METTL15: variants seen among roughly 807,000 people sequenced by gnomAD.
METTL15 encodes 12S rRNA N(4)-cytidine methyltransferase METTL15.
In METTL15, 34 loss-of-function variants were observed where a neutral mutation model predicts 38.3. The ratio of observed to expected loss-of-function variants is 0.89; its 90% CI spans 0.68 to 1.18. The LOEUF (loss-of-function observed/expected upper bound fraction) is 1.18. METTL15 is among the 50% of genes most tolerant of loss of function. The pLI is 0.00. For missense variants in METTL15, 438 were observed against 498.4 expected (o/e 0.88, Z 1.15); for synonymous variants, 162 against 170.9 (o/e 0.95, Z 0.41).
At chr11:28,130,989 TTGTAGCA>T (rs1451613159) in intron 3 of METTL15, among the ~76,000 whole-genome samples, 1 of 152,156 alleles carries the variant, frequency 6.6e-6, no homozygotes, top group Admixed American at 6.6e-5. Context: ...TCAGTTTATT[TTGTAGCA>T]TGTGCTGTGC....
At chr11:28,510,509 C>CAGTAATA (rs1851665282) in intron 6 of METTL15, among the ~76,000 whole-genome samples, 1 of 151,986 alleles carries the variant, frequency 6.6e-6, no homozygotes, top group Non-Finnish European at 1.5e-5. Context: ...GATTAATAAT[C>CAGTAATA]ATAACAGTAA....
At chr11:28,392,076 G>A (rs1454097620) in intron 5 of METTL15, among the ~76,000 whole-genome samples, 24 of 152,182 alleles carry the variant, frequency 1.6e-4, no homozygotes, top group African/African-American at 9.6e-5. Context: ...CAGACAAAGG[G>A]CTAATATCCA....
intron 4 of METTL15, among the ~76,000 whole-genome samples, chr11:28,256,851 C>A (rs1854992655): frequency 6.6e-6 from 1 of 151,940 alleles, no homozygotes; most frequent in Non-Finnish European, 1.5e-5. Context: ...CTGTAAAATT[C>A]CCTCTTAGTA....
At chr11:28,303,766 G>T (rs1856989563) in intron 6 of METTL15, among the ~76,000 whole-genome samples, 1 of 152,116 alleles carries the variant, frequency 6.6e-6, no homozygotes, top group Non-Finnish European at 1.5e-5. Context: ...AAGTTCTTAG[G>T]TGTTACTGAG....
chr11:28,397,990 A>C (rs1435509697), intron 5 of METTL15, among the ~76,000 whole-genome samples: 2 of 152,110 alleles, frequency 1.3e-5, no homozygotes, highest in Non-Finnish European at 2.9e-5. Context: ...TCACAAGGAC[A>C]AAAAACCAAA....
intron 4 of METTL15, among the ~76,000 whole-genome samples, chr11:28,266,657 T>C (rs1197550323): frequency 2.0e-5 from 3 of 152,140 alleles, no homozygotes. Flanking sequence ...CAAAATATAT[T>C]ATTAGGACAT....
intron 4 of METTL15, among the ~76,000 whole-genome samples, chr11:28,221,986 G>C (rs1239971692): frequency 1.3e-5 from 2 of 152,174 alleles, no homozygotes; most frequent in African/African-American, 4.8e-5. Context: ...TTCCAGTTAG[G>C]CTACTGAGGG....
chr11:28,169,561 T>C (rs1850779864), intron 3 of METTL15, among the ~76,000 whole-genome samples: 1 of 152,194 alleles, frequency 6.6e-6, no homozygotes, highest in South Asian at 2.1e-4. Context: ...ATTTCTGTTT[T>C]GTTTTTGAAA....
intron 4 of METTL15, among the ~76,000 whole-genome samples, chr11:28,235,396 C>T (rs1031985707): frequency 4.0e-4 from 60 of 151,886 alleles, no homozygotes; most frequent in Middle Eastern, 3.4e-3. Context: ...TTACCTTGGG[C>T]AGTATGGCCA....
chr11:28,251,825 C>T (rs550783561), intron 4 of METTL15, among the ~76,000 whole-genome samples: 1 of 152,190 alleles, frequency 6.6e-6, no homozygotes, highest in East Asian at 1.9e-4. Context: ...GGGGACCTCC[C>T]ACCTCTAGTC....
At chr11:28,328,761 G>C (rs1200337475) in intron 6 of METTL15, among the ~76,000 whole-genome samples, 1 of 152,002 alleles carries the variant, frequency 6.6e-6, no homozygotes, top group East Asian at 1.9e-4. Context: ...AATTATTGAA[G>C]TAGATGGGAC....
At chr11:28,307,721 T>G (rs1040654231) in intron 6 of METTL15, among the ~76,000 whole-genome samples, 5 of 152,102 alleles carry the variant, frequency 3.3e-5, no homozygotes, top group African/African-American at 9.6e-5. Context: ...TGTATCGACT[T>G]AACCATCAGG....
chr11:28,439,040 G>GTA (rs1347780891), intron 6 of METTL15, among the ~76,000 whole-genome samples: 9 of 150,664 alleles, frequency 6.0e-5, no homozygotes, highest in African/African-American at 2.2e-4. Context: ...AAAAAGTGCT[G>GTA]TAAGTGCTGT....
chr11:28,420,318 C>A (rs1850808657), intron 5 of METTL15, among the ~76,000 whole-genome samples: 1 of 152,114 alleles, frequency 6.6e-6, no homozygotes. Context: ...ATCTTCCAGA[C>A]AGAAAATCAA....
At position 28,117,849 on chromosome 11, in the gene METTL15, T is replaced by G. The variant is rs1010816236; in HGVS notation, c.270+4245T>G. 3.3e-5 allele frequency among the ~76,000 whole-genome samples: 5 copies of G among 152,292 alleles called. No individual in the cohort carries two copies. In the East Asian group the frequency reaches 9.6e-4, roughly 29 times the overall value. On this transcript the variant is annotated intron_variant, in intron 3 of 6. Transcript: ENST00000407364. The stretch of plus-strand genomic sequence containing the variant: ...GGTCTTCATTTTGTCCATAATCCAT[T>G]ATTTGCTTCTCTTCTTCCTGAGCCT...
chr11:28,424,948 T>C (rs1850851643), intron 6 of METTL15, among the ~76,000 whole-genome samples: 1 of 152,176 alleles, frequency 6.6e-6, no homozygotes, highest in South Asian at 2.1e-4. Flanking sequence ...AGAAGACTTG[T>C]TGAAACTATA....
At chr11:28,510,750 A>T (rs1851667224) in intron 6 of METTL15, among the ~76,000 whole-genome samples, 1 of 152,198 alleles carries the variant, frequency 6.6e-6, no homozygotes, top group Non-Finnish European at 1.5e-5. Context: ...TCTTATACTT[A>T]GCCTTAATCT....
At chr11:28,479,827 CAT>C (rs1564943127) in intron 6 of METTL15, among the ~76,000 whole-genome samples, 1 of 152,156 alleles carries the variant, frequency 6.6e-6, no homozygotes, top group Non-Finnish European at 1.5e-5. Context: ...ATTTTACTAA[CAT>C]AAAGTATGTG....
intron 3 of METTL15, among the ~76,000 whole-genome samples, chr11:28,209,260 A>G (rs375925632): frequency 1.4e-4 from 22 of 152,152 alleles, no homozygotes; most frequent in African/African-American, 5.1e-4. Flanking sequence ...CTATAGTTAC[A>G]GCAAGGCTAG....
Sources: allele counts gnomAD v4.1 joint callset (sites outside exome capture counted in the v4.1 genomes callset), GRCh38; gene constraint gnomAD v4.1.1; transcripts MANE v1.5; gene names NCBI Gene and HGNC (gene_info 2026-07-23, HGNC 2026-07-21).